Variants in ISLR2 observed in about 807,000 individuals in gnomAD.
ISLR2 encodes the protein immunoglobulin superfamily containing leucine-rich repeat protein 2.
In ISLR2, 16 loss-of-function variants were observed where a neutral mutation model predicts 25.5. The observed-to-expected ratio is 0.63, with a 90% CI of 0.43 to 0.95. The LOEUF is 0.95. Ranked by LOEUF, ISLR2 falls within the 40% of genes least tolerant of loss-of-function variation. The pLI, the probability that ISLR2 is intolerant of heterozygous loss-of-function variation, is 0.00. For synonymous variants in ISLR2, 508 were observed against 486.6 expected, an observed-to-expected ratio of 1.04 and a Z score of -0.58; for missense variants, 883 against 1,030.7, an observed-to-expected ratio of 0.86 and a Z score of 1.96.
At chr15:74,126,345 GTATTTTTTT>G (rs1348978699), upstream of ISLR2, 1 of 139,972 alleles carries the variant, frequency 7.1e-6, no homozygotes, top group African/African-American at 2.9e-5. Flanking sequence ...AAAAGCATAG[GTATTTTTTT>G]TTTTTTTTTT....
chr15:74,134,360 G>C lies in ISLR2; in HGVS notation c.1606G>C (p.Gly536Arg), dbSNP rs1264103800. 5.0e-6 allele frequency: 8 copies of C among 1,599,942 alleles called. No homozygotes were observed. Among genetic ancestry groups the C allele is most frequent in the East Asian group, 2.3e-5 (1 of 44,410 alleles). The change falls in exon 3 of 3, where the codon GGG becomes CGG. Residue 536 changes from glycine to arginine, a missense_variant. This residue lies in a region of ISLR2 where 612 missense variants were observed against 642.8 expected (regional missense o/e 0.95). Transcript: ENST00000453268. The stretch of plus-strand genomic sequence containing the variant: ...GCGCCTACTCTATCTGTGTCCAGCG[G>C]GGGGCGGCGCGGCAGTGCAGTGGTC... The part of the protein sequence containing the change: ...PLRLLYLCPA[G>R]GGAAVQWSRV...
At chr15:74,138,787 A>G (rs891567397), downstream of ISLR2, among the ~76,000 whole-genome samples, 15 of 152,170 alleles carry the variant, frequency 9.9e-5, no homozygotes, top group Admixed American at 9.2e-4. Context: ...GACACAACTC[A>G]AGAATATTAT....
intron 2 of ISLR2, among the ~76,000 whole-genome samples, chr15:74,113,585 A>G (rs1465780056): frequency 1.3e-5 from 2 of 152,086 alleles, no homozygotes; most frequent in Non-Finnish European, 2.9e-5. Context: ...ATCCTACTCT[A>G]GTGTTGAGTT....
chr15:74,135,639 C>T lies in ISLR2; in HGVS notation c.*647C>T, dbSNP rs1327834923. On this transcript the variant is annotated 3_prime_UTR_variant, in exon 3 of 3. Transcript: ENST00000453268. Reference sequence around the variant, plus strand: ...GCCTCAGCCTGCCTAGTAGCTGGGACTACAGGCGCGCGCCACCACGACCAG... The same window carrying T: ...GCCTCAGCCTGCCTAGTAGCTGGGATTACAGGCGCGCGCCACCACGACCAG... 1 of 153,104 alleles carries T rather than the reference C, an allele frequency of 6.5e-6. No individual in the cohort carries two copies. The highest frequency in any genetic ancestry group is 2.4e-5 in the African/African-American group (1 of 41,410). 9.5% of individuals were successfully genotyped at this position (153,104 alleles called of 1,614,324 possible).
rs1159741869 is a variant in ISLR2 at position 74,133,718 on chromosome 15, G to A, written c.964G>A (p.Ala322Thr). The stretch of plus-strand genomic sequence containing the variant: ...AGCCCAAACGCCGACTCCAGCACCC[G>A]CTTGGCCGGCGCCCCCAGCCACACC... ...TQAQTPTPAPAWPAPPATPRF... is the reference protein window; with the variant it reads ...TQAQTPTPAPTWPAPPATPRF... The change falls in exon 3 of 3, where the codon GCT becomes ACT. Residue 322 changes from alanine (A) to threonine (T), a missense_variant. Ala to Thr is a moderately conservative substitution (Grantham distance 58). Coordinates refer to ENST00000453268, the MANE Select transcript of ISLR2 (RefSeq NM_020851.3). 6.2e-7 allele frequency: 1 copy of A among 1,608,758 alleles called. No individual in the cohort carries two copies. The highest frequency in any genetic ancestry group is 2.2e-5 in the East Asian group (1 of 44,700).
intron 2 of ISLR2, among the ~76,000 whole-genome samples, chr15:74,121,626 C>T (rs1446294055): frequency 2.0e-5 from 3 of 152,144 alleles, no homozygotes; most frequent in Non-Finnish European, 2.9e-5. Flanking sequence ...GAAAGACTTC[C>T]AAAGTCTCAC....
At position 74,134,788 on chromosome 15, in the gene ISLR2, TGAA is replaced by T. The variant is rs780380190; in HGVS notation, c.2037_2039del (p.Glu679del). 8 of 1,613,804 alleles carry T rather than the reference TGAA, an allele frequency of 5.0e-6. No homozygotes were observed. The South Asian group carries it at 5.5e-5, about 11-fold the overall frequency. On this transcript the variant is annotated inframe_deletion, in exon 3 of 3. Transcript: ENST00000453268. ...AGGACGTGCAGGGGGAGGGCCTTGA[TGAA>T]GACGCGGAGCAGGGAGACCCAAGTG...
chr15:74,123,991 T>C (rs2072272442), upstream of ISLR2, among the ~76,000 whole-genome samples: 1 of 151,876 alleles, frequency 6.6e-6, no homozygotes, highest in African/African-American at 2.4e-5. Flanking sequence ...TAAATAAGTA[T>C]AAAAATAAAT....
At chr15:74,130,649 TGTGCGA>T (rs2141949631) in intron 1 of ISLR2, 28 bp downstream of exon 1, 1 of 152,522 alleles carries the variant, frequency 6.6e-6, no homozygotes, top group South Asian at 2.1e-4. Context: ...TGTGTATGCG[TGTGCGA>T]GAGGAGAACG....
Position 74,135,026 on chromosome 15 carries a change from TCCA to T in ISLR2, c.*37_*39del. 6.3e-7 allele frequency: 1 copy of T among 1,596,586 alleles called. No individual in the cohort carries two copies. Among genetic ancestry groups the T allele is most frequent in the Non-Finnish European group, 8.5e-7 (1 of 1,170,532 alleles). The stretch of plus-strand genomic sequence containing the variant: ...CCGTCCGGCCCGCCCATTCCCGACC[TCCA>T]CCTAGGGTGCCTGGGAGCAGCAGTC... On this transcript the variant is annotated 3_prime_UTR_variant, in exon 3 of 3. Transcript: ENST00000453268.
At chr15:74,108,673 T>A (rs2141927852) in intron 2 of ISLR2, among the ~76,000 whole-genome samples, 1 of 152,366 alleles carries the variant, frequency 6.6e-6, no homozygotes, top group Non-Finnish European at 1.5e-5. Flanking sequence ...AAATACCCAC[T>A]GTCCACCTTT....
chr15:74,133,429 GC>G lies in ISLR2; in HGVS notation c.678del (p.Ala227ProfsTer11). 6.2e-7 allele frequency: 1 copy of G among 1,608,124 alleles called. No individual in the cohort carries two copies. The highest frequency in any genetic ancestry group is 8.5e-7 in the Non-Finnish European group (1 of 1,179,456). Reference protein sequence around the residue: ...ALQGVPVYRLPALPCAPPSVH... With the variant: ...ALQGVPVYRLXALPCAPPSVH... ...TGCAGGGGGTGCCGGTGTACCGCCT[GC>G]CCGCCCTGCCCTGTGCACCGCCCAG... is the stretch of plus-strand genomic sequence containing the variant. On this transcript the variant is annotated frameshift_variant, in exon 3 of 3. Coordinates refer to ENST00000453268, the MANE Select transcript of ISLR2 (RefSeq NM_020851.3). LOFTEE classifies it low-confidence loss of function (END_TRUNC).
chr15:74,122,317 G>A (rs1229450342), intron 2 of ISLR2, among the ~76,000 whole-genome samples: 3 of 152,352 alleles, frequency 2.0e-5, no homozygotes, highest in African/African-American at 7.2e-5. Context: ...TAAGGTGGGT[G>A]CAGACTTCAC....
chr15:74,134,113 G>T lies in ISLR2; in HGVS notation c.1359G>T (p.Pro453=), dbSNP rs147968872. 6.2e-7 allele frequency: 1 copy of T among 1,613,688 alleles called. No homozygotes were observed. Among genetic ancestry groups the T allele is most frequent in the East Asian group, 2.2e-5 (1 of 44,856 alleles). Residue 453 remains proline, a synonymous_variant, in exon 3 of 3, where the codon CCG becomes CCT. Transcript: ENST00000453268. ...EEAEDQILAD[P]AEEQRCGNGD... is the part of the protein sequence containing the mutation. The stretch of plus-strand genomic sequence containing the variant: ...CCGAAGACCAGATCCTCGCGGACCC[G>T]GCGGAGGAGCAGCGCTGTGGCAACG...
Position 74,134,534 on chromosome 15 carries a change from G to A in ISLR2, c.1780G>A (p.Val594Met), listed in dbSNP as rs1163646425. The A allele has an allele frequency of 6.2e-7, 1 of 1,614,106 alleles. No individual in the cohort carries two copies. The highest frequency in any genetic ancestry group is 1.1e-5 in the South Asian group (1 of 91,086). The change falls in exon 3 of 3, where the codon GTG (valine) becomes ATG (methionine). Residue 594 changes from valine to methionine, a missense_variant. This residue lies in a region of ISLR2 where 612 missense variants were observed against 642.8 expected (regional missense o/e 0.95). Transcript: ENST00000453268. ...KKELPSLLVI[V>M]AVSVFLLVLA... ...GGAGCTCCCATCGCTGCTGGTCATA[G>A]TGGCAGTGAGCGTATTCCTCCTGGT... is the stretch of plus-strand genomic sequence containing the variant.
intron 2 of ISLR2, among the ~76,000 whole-genome samples, chr15:74,119,361 C>T (rs988574905): frequency 1.3e-5 from 2 of 152,122 alleles, no homozygotes; most frequent in African/African-American, 4.8e-5. Flanking sequence ...CAGGCGTGCA[C>T]CACCATGCCT....
Position 74,134,694 on chromosome 15 carries a change from C to T in ISLR2, c.1940C>T (p.Pro647Leu). Residue 647 changes from proline to leucine, a missense_variant, in exon 3 of 3, where the codon CCG becomes CTG. Around this residue, in one of 2 missense-constraint regions of ISLR2, gnomAD observed 612 missense variants for 642.8 expected, o/e 0.95. Transcript: ENST00000453268. ...MEKRIAADFD[P>L]RASYLESEKS... is the part of the protein sequence containing the mutation. ...AAGCGCATCGCCGCAGACTTCGACC[C>T]GCGTGCTTCGTACCTCGAGTCCGAG... 1.2e-6 allele frequency: 2 copies of T among 1,614,118 alleles called. No homozygotes were observed. Among genetic ancestry groups the T allele is most frequent in the South Asian group, 1.1e-5 (1 of 91,086 alleles).
chr15:74,124,368 G>A (rs964194070), upstream of ISLR2, among the ~76,000 whole-genome samples: 1 of 152,072 alleles, frequency 6.6e-6, no homozygotes, highest in Non-Finnish European at 1.5e-5. Context: ...CTGGTTCAGA[G>A]ATAAACAGTC....
upstream of ISLR2, among the ~76,000 whole-genome samples, chr15:74,124,730 G>A (rs920412598): frequency 6.6e-5 from 10 of 152,152 alleles, no homozygotes; most frequent in African/African-American, 2.4e-4. Context: ...CCGCACTTCA[G>A]CCTGAGTAAC....
Sources: gnomAD v4.1 joint callset for allele counts (sites outside exome capture counted in the v4.1 genomes callset) on GRCh38, gnomAD v4.1.1 for gene constraint, gnomAD v4.1.1 regional missense constraint, MANE v1.5 for transcripts, NCBI Gene and HGNC (gene_info 2026-07-23, HGNC 2026-07-21) for gene names.